Variants in LUZP2 observed in about 807,000 individuals in gnomAD.
LUZP2 encodes the protein leucine zipper protein 2.
A neutral mutation model predicts 51.6 loss-of-function variants in LUZP2; 52 were observed. The observed-to-expected ratio is 1.01, with a 90% CI of 0.81 to 1.27. The LOEUF is 1.27. Among genes scored for constraint, LUZP2 ranks in the 50% most tolerant of loss-of-function variants. The pLI, the probability that LUZP2 is intolerant of heterozygous loss-of-function variation, is 0.00. For synonymous variants in LUZP2, 154 were observed against 137.3 expected (o/e 1.12, Z -0.85); for missense variants, 436 against 395.4 (o/e 1.10, Z -0.87).
chr11:24,576,412 C>CAAA (rs10549188), intron 1 of LUZP2, among the ~76,000 whole-genome samples: 4 of 75,158 alleles, frequency 5.3e-5, no homozygotes, highest in Admixed American at 1.9e-4. Context: ...GACTCCATCT[C>CAAA]AAAAAAAAAA....
At chr11:24,560,767 A>AGTCCT (rs1172748023) in intron 1 of LUZP2, among the ~76,000 whole-genome samples, 1 of 152,240 alleles carries the variant, frequency 6.6e-6, no homozygotes, top group Non-Finnish European at 1.5e-5. Flanking sequence ...GTATTACAAC[A>AGTCCT]GTCCTGTTGA....
At chr11:24,537,883 G>C (rs983014341) in intron 1 of LUZP2, among the ~76,000 whole-genome samples, 4 of 151,718 alleles carry the variant, frequency 2.6e-5, no homozygotes, top group Non-Finnish European at 4.4e-5. Flanking sequence ...ATATTTTACT[G>C]TCTTGCTTTC....
intron 10 of LUZP2, among the ~76,000 whole-genome samples, chr11:25,067,326 G>A (rs989125796): frequency 3.3e-5 from 5 of 152,056 alleles, no homozygotes; most frequent in African/African-American, 7.2e-5. Context: ...CCATTCTATA[G>A]GTTGCCTGCT....
intron 1 of LUZP2, among the ~76,000 whole-genome samples, chr11:24,630,759 T>G (rs12284818): frequency 0.42 from 62,986 of 150,484 alleles, 13,240 homozygotes; most frequent in Middle Eastern, 0.48. Context: ...ATTGATAGAG[T>G]TTGCACCGAA....
chr11:25,036,068 A>G (rs1389693731), intron 9 of LUZP2, among the ~76,000 whole-genome samples: 1 of 152,078 alleles, frequency 6.6e-6, no homozygotes, highest in Non-Finnish European at 1.5e-5. Context: ...TATGTCTGCT[A>G]AAATTCAGCT....
chr11:24,984,859 G>T (rs1295523912), intron 9 of LUZP2, among the ~76,000 whole-genome samples: 2 of 151,190 alleles, frequency 1.3e-5, no homozygotes, highest in Non-Finnish European at 3.0e-5. Context: ...CTCAGTGCTT[G>T]CTTTGACAGC....
chr11:25,050,803 A>G (rs898977591), intron 10 of LUZP2, among the ~76,000 whole-genome samples: 4 of 152,218 alleles, frequency 2.6e-5, no homozygotes, highest in African/African-American at 9.7e-5. Flanking sequence ...TATAGGATGT[A>G]CTTCTCCATG....
intron 7 of LUZP2, among the ~76,000 whole-genome samples, chr11:24,970,386 A>C (rs1054260200): frequency 3.3e-5 from 5 of 152,260 alleles, no homozygotes; most frequent in African/African-American, 1.2e-4. Context: ...TTTTCAGAGG[A>C]AAGTAAGGTA....
intron 1 of LUZP2, among the ~76,000 whole-genome samples, chr11:24,682,548 T>TATATACATATAC (rs1565074553): frequency 6.9e-6 from 1 of 144,350 alleles, no homozygotes; most frequent in African/African-American, 2.5e-5. Flanking sequence ...TGTATATGTA[T>TATATACATATAC]ATATACACAC....
At chr11:24,786,042 T>TG in intron 5 of LUZP2, 1 of 985,326 alleles carries the variant, frequency 1.0e-6, no homozygotes, top group Non-Finnish European at 1.2e-6. Flanking sequence ...ATCAATGTAT[T>TG]AACTCATCTT....
chr11:25,033,234 A>C (rs568507748), intron 9 of LUZP2, among the ~76,000 whole-genome samples: 34 of 152,278 alleles, frequency 2.2e-4, no homozygotes, highest in Non-Finnish European at 4.1e-4. Context: ...AAATAGGAAG[A>C]TATTAATTCA....
At chr11:24,697,749 T>C (rs1056891947) in intron 1 of LUZP2, among the ~76,000 whole-genome samples, 2 of 152,166 alleles carry the variant, frequency 1.3e-5, no homozygotes, top group Non-Finnish European at 2.9e-5. Flanking sequence ...GTCTTACTGC[T>C]CCAGAGTCAT....
At chr11:24,953,142 A>G (rs1019903407) in intron 7 of LUZP2, among the ~76,000 whole-genome samples, 1 of 151,966 alleles carries the variant, frequency 6.6e-6, no homozygotes, top group Non-Finnish European at 1.5e-5. Flanking sequence ...ACAAGCTGAT[A>G]TGTAGATGTT....
At chr11:24,774,332 T>TTCTCTCTCTC (rs374302170) in intron 5 of LUZP2, among the ~76,000 whole-genome samples, 3,603 of 41,554 alleles carry the variant, frequency 0.087, 207 homozygotes, top group East Asian at 0.17. Context: ...CTTAGTAAAC[T>TTCTCTCTCTC]TCTCTCTCTC....
At chr11:24,601,777 C>A (rs1364544221) in intron 1 of LUZP2, among the ~76,000 whole-genome samples, 4 of 150,306 alleles carry the variant, frequency 2.7e-5, no homozygotes, top group Non-Finnish European at 5.9e-5. Context: ...TCTGACTTAA[C>A]CAAGTATATT....
intron 8 of LUZP2, among the ~76,000 whole-genome samples, chr11:24,981,753 C>T (rs555841211): frequency 6.6e-6 from 1 of 151,888 alleles, no homozygotes; most frequent in Admixed American, 6.6e-5. Flanking sequence ...ATTGCTATGG[C>T]AACGATTCTA....
At chr11:25,002,207 T>C (rs1348038848) in intron 9 of LUZP2, among the ~76,000 whole-genome samples, 2 of 152,228 alleles carry the variant, frequency 1.3e-5, no homozygotes, top group Non-Finnish European at 2.9e-5. Flanking sequence ...GGGAAGAGGC[T>C]TACTTTCAAG....
At chr11:24,702,000 C>A (rs889941544) in intron 1 of LUZP2, among the ~76,000 whole-genome samples, 2 of 152,170 alleles carry the variant, frequency 1.3e-5, no homozygotes, top group Non-Finnish European at 2.9e-5. Context: ...ACTCCTTGAC[C>A]ATGGCTCTCC....
At chr11:24,719,070 G>T (rs749633568) in intron 1 of LUZP2, among the ~76,000 whole-genome samples, 1 of 152,208 alleles carries the variant, frequency 6.6e-6, no homozygotes, top group Non-Finnish European at 1.5e-5. Context: ...AAGCCCCAGG[G>T]CAGATGGCCT....
Sources: gnomAD v4.1 joint callset for allele counts (sites outside exome capture counted in the v4.1 genomes callset) on GRCh38, gnomAD v4.1.1 for gene constraint, MANE v1.5 for transcripts, NCBI Gene and HGNC (gene_info 2026-07-23, HGNC 2026-07-21) for gene names.